DTX1: variants seen among roughly 807,000 people sequenced by gnomAD.
DTX1 encodes the protein deltex E3 ubiquitin ligase 1.
In DTX1, 26 loss-of-function variants were observed where a neutral mutation model predicts 57.8. The ratio of observed to expected loss-of-function variants is 0.45; its 90% CI spans 0.33 to 0.62. DTX1 has a LOEUF of 0.62. DTX1 is among the 20% of genes least tolerant of loss of function. The pLI is 0.02. For synonymous variants in DTX1, 398 were observed against 394.1 expected, an observed-to-expected ratio of 1.01 and a Z score of -0.12; for missense variants, 704 against 895.3, an observed-to-expected ratio of 0.79 and a Z score of 2.73.
intron 2 of DTX1, among the ~76,000 whole-genome samples, chr12:113,069,688 G>A (rs978394496): frequency 2.6e-5 from 4 of 152,084 alleles, no homozygotes; most frequent in Non-Finnish European, 4.4e-5. Flanking sequence ...AGACTTCCAC[G>A]TCTTCTTAGG....
Position 113,078,686 on chromosome 12 carries a change from C to T in DTX1, c.941+581C>T, listed in dbSNP as rs76356885. Among the ~76,000 whole-genome samples the T allele has an allele frequency of 3.9e-5, 6 of 152,254 alleles. No homozygotes were observed. In the East Asian group the frequency reaches 7.7e-4, roughly 20 times the overall value. ...GTCCAGACCTGCCCAATTCCAAAGT[C>T]TGTGCTGTGTTGTCTTAGGATTTTT... On this transcript the variant is annotated intron_variant, in intron 3 of 9. Transcript: ENST00000548759.
At chr12:113,064,990 A>G (rs1448771740) in intron 2 of DTX1, among the ~76,000 whole-genome samples, 2 of 152,162 alleles carry the variant, frequency 1.3e-5, no homozygotes, top group African/African-American at 4.8e-5. Flanking sequence ...GTCCTTCAGC[A>G]GGGTCCTGGA....
chr12:113,093,799 A>G lies in DTX1; in HGVS notation c.1165+99A>G. ...CTCCAACTTATTCTTAGCATTTACT[A>G]CCTCACCTCCATTGCCTGATCTCAG... On this transcript the variant is annotated intron_variant, in intron 5 of 9. Transcript: ENST00000548759. The surrounding 1 kb of genome is among the most constrained non-coding windows in gnomAD (Gnocchi z 4.2). 1 of 1,529,700 alleles carries G rather than the reference A, an allele frequency of 6.5e-7. No homozygotes were observed. The highest frequency in any genetic ancestry group is 8.9e-7 in the Non-Finnish European group (1 of 1,129,028). 94.8% of individuals were successfully genotyped at this position (1,529,700 alleles called of 1,614,324 possible).
At chr12:113,069,900 T>C (rs1474434741) in intron 2 of DTX1, among the ~76,000 whole-genome samples, 1 of 152,180 alleles carries the variant, frequency 6.6e-6, no homozygotes, top group African/African-American at 2.4e-5. Flanking sequence ...GCTAAGGGGC[T>C]ATTCCAGAAG....
In DTX1 at chr12:113,094,112, T is replaced by TGGGGGGGTG; in HGVS notation, c.1227+20_1227+21insTGGGGGGGG. ...CCCACCTGATGAGGTGAGGAGGGGA[T>TGGGGGGGTG]GGGGGGGCTGGGGGAGGGCCCTGGC... On this transcript the variant is annotated intron_variant, in intron 6 of 9. Coordinates refer to ENST00000548759, the MANE Select transcript of DTX1 (RefSeq NM_004416.3). 6.6e-6 allele frequency: 3 copies of TGGGGGGGTG among 454,794 alleles called. No homozygotes were observed. The Admixed American group carries it at 1.0e-4, about 15-fold the overall frequency. The allele number at this position is 454,794 out of a possible 1,614,324, so 28.2% of individuals were successfully genotyped here. A position where few individuals can be genotyped will look rare whatever the true frequency, so the allele number is the denominator to read the frequency against.
Position 113,077,373 on chromosome 12 carries a change from G to C in DTX1, c.260-51G>C. 2 of 1,384,536 alleles carry C rather than the reference G, an allele frequency of 1.4e-6. 1 individual carries two copies. Among genetic ancestry groups the C allele is most frequent in the South Asian group, 2.6e-5 (2 of 77,432 alleles). The allele number at this position is 1,384,536 out of a possible 1,614,324, so 85.8% of individuals were successfully genotyped here. ...CTGGCTGTGGCCCGCCCTTCCAGCC[G>C]CGCAGACCAACGCCCGCTGTGCTGA... On this transcript the variant is annotated intron_variant, in intron 2 of 9. Transcript: ENST00000548759. This position sits in a 1 kb window ranked among gnomAD's most constrained non-coding sequence, Gnocchi z 7.8.
Position 113,093,449 on chromosome 12 carries a change from A to ACC in DTX1, c.1004-88_1004-87dup. 1 of 632,560 alleles carries ACC rather than the reference A, an allele frequency of 1.6e-6. No homozygotes were observed. Among genetic ancestry groups the ACC allele is most frequent in the African/African-American group, 2.2e-5 (1 of 45,390 alleles). 39.2% of individuals were successfully genotyped at this position (632,560 alleles called of 1,614,324 possible). On this transcript the variant is annotated intron_variant, in intron 4 of 9. Coordinates refer to ENST00000548759, the MANE Select transcript of DTX1 (RefSeq NM_004416.3). The surrounding 1 kb of genome is among the most constrained non-coding windows in gnomAD (Gnocchi z 4.2). ...GCCCAAGAGCGCAACCCTCCCACCCACCCGAGGGCCCCGGGATTCCCAGGG... is the reference window on the plus strand; with the variant it reads ...GCCCAAGAGCGCAACCCTCCCACCCACCCCCGAGGGCCCCGGGATTCCCAGGG...
At chr12:113,057,290 G>A (rs2044631408) in intron 1 of DTX1, among the ~76,000 whole-genome samples, 159 bp from the exon 2 acceptor site, 2 of 152,036 alleles carry the variant, frequency 1.3e-5, no homozygotes, top group Admixed American at 6.5e-5. Context: ...TTCCCTCCAG[G>A]CCTGCCCCAA....
Position 113,058,450 on chromosome 12 carries a change from A to C in DTX1, c.258A>C (p.Thr86=). 6.3e-7 allele frequency: 1 copy of C among 1,594,320 alleles called. No homozygotes were observed. The highest frequency in any genetic ancestry group is 8.5e-7 in the Non-Finnish European group (1 of 1,174,960). Residue 86 remains threonine, a splice_region_variant and synonymous_variant, in exon 2 of 10, where the codon ACA becomes ACC. Coordinates refer to ENST00000548759, the MANE Select transcript of DTX1 (RefSeq NM_004416.3). ...LQSMHQFRQD[T]GTMRPVRRNF... ...CCATGCACCAGTTTCGCCAGGACAC[A>C]GGTGAGCAGACACCCACCCCATGCC...
In DTX1 at chr12:113,057,814, C is replaced by A. The variant is rs1477711902; in HGVS notation, c.-379C>A. 4.8e-6 allele frequency: 1 copy of A among 207,770 alleles called. No individual in the cohort carries two copies. The allele number at this position is 207,770 out of a possible 1,614,324, so 12.9% of individuals were successfully genotyped here. On this transcript the variant is annotated 5_prime_UTR_variant, in exon 2 of 10. Transcript: ENST00000548759. ...CTCCTGGGTGACAGGCCCTGTCTGG[C>A]GGGGAAGAGGGACCAAGAGACAACA...
At chr12:113,063,502 T>C (rs2044680293) in intron 2 of DTX1, among the ~76,000 whole-genome samples, 1 of 152,246 alleles carries the variant, frequency 6.6e-6, no homozygotes, top group African/African-American at 2.4e-5. Flanking sequence ...CCTATCTGCC[T>C]GGTATCTCCC....
rs1212622309 is a variant in DTX1 at position 113,057,535 on chromosome 12, G to C, written c.-658G>C. 8.2e-5 allele frequency: 12 copies of C among 145,658 alleles called. No individual in the cohort carries two copies. The highest frequency in any genetic ancestry group is 1.4e-4 in the Non-Finnish European group (9 of 66,184). The allele number at this position is 145,658 out of a possible 1,614,324, so 9.0% of individuals were successfully genotyped here. ...CCCCCAGCCCAGCTCCGGAGCCGCA[G>C]TCCAGGCGCGCCGCCCGAGGGTCCA... is the stretch of plus-strand genomic sequence containing the variant. On this transcript the variant is annotated 5_prime_UTR_variant, in exon 2 of 10. Coordinates refer to ENST00000548759, the MANE Select transcript of DTX1 (RefSeq NM_004416.3).
chr12:113,072,009 T>G (rs1218326000), intron 2 of DTX1, among the ~76,000 whole-genome samples: 1 of 152,214 alleles, frequency 6.6e-6, no homozygotes, highest in Non-Finnish European at 1.5e-5. Flanking sequence ...CAGAGTCCTT[T>G]GCTGCAGAGC....
Position 113,094,878 on chromosome 12 carries a change from C to T in DTX1, c.1317C>T (p.Gly439=). The change falls in exon 7 of 10, where the codon GGC becomes GGT. Residue 439 remains glycine (G), a synonymous_variant. Transcript: ENST00000548759. The stretch of plus-strand genomic sequence containing the variant: ...AGGGCGTGCGGCCTGAGCTCGTGGG[C>T]CGCCTGGGCCGCTGTGGCCACATGT... ...RHKGVRPELV[G]RLGRCGHMYH... is the part of the protein sequence containing the mutation. The T allele has an allele frequency of 6.2e-7, 1 of 1,613,640 alleles. No homozygotes were observed. The highest frequency in any genetic ancestry group is 1.1e-5 in the South Asian group (1 of 91,072).
chr12:113,095,113 G>C lies in DTX1; in HGVS notation c.1458G>C (p.Lys486Asn). 6.2e-7 allele frequency: 1 copy of C among 1,613,882 alleles called. No individual in the cohort carries two copies. The highest frequency in any genetic ancestry group is 2.2e-5 in the East Asian group (1 of 44,880). Residue 486 changes from lysine (K) to asparagine (N), a missense_variant, in exon 8 of 10, where the codon AAG becomes AAC. This residue lies in a region of DTX1 where 168 missense variants were observed against 255.6 expected (regional missense o/e 0.66). Coordinates refer to ENST00000548759, the MANE Select transcript of DTX1 (RefSeq NM_004416.3). ...AGACGGGTACGCAGCCGCCTGGGAA[G>C]ATGGAGTTCCACCTCATCCCCCACT... ...GEKTGTQPPG[K>N]MEFHLIPHSL... is the part of the protein sequence containing the mutation.
intron 2 of DTX1, among the ~76,000 whole-genome samples, chr12:113,068,529 A>G (rs1188120212): frequency 1.3e-5 from 2 of 152,244 alleles, no homozygotes; most frequent in South Asian, 2.1e-4. Context: ...CAGATGGAAC[A>G]GCATATGCAA....
rs1299101991 is a variant in DTX1, at chr12:113,077,696, C to T, written c.532C>T (p.Pro178Ser). The change falls in exon 3 of 10, where the codon CCG (proline) becomes TCG (serine). Residue 178 changes from proline (P) to serine (S), a missense_variant. Pro to Ser is a moderately conservative substitution (Grantham distance 74, BLOSUM62 -1). Around this residue, in one of 3 missense-constraint regions of DTX1, gnomAD observed 237 missense variants for 328.6 expected, o/e 0.72. Transcript: ENST00000548759. The surrounding 1 kb of genome is among the most constrained non-coding windows in gnomAD (Gnocchi z 7.8). ...RLRRRLDLAYPLTVGSIPKSQ... is the reference protein window; with the variant it reads ...RLRRRLDLAYSLTVGSIPKSQ... Reference sequence around the variant, plus strand: ...GCGCCGCCGCCTGGACCTCGCCTACCCGCTCACCGTGGGCTCCATCCCTAA... The same window carrying T: ...GCGCCGCCGCCTGGACCTCGCCTACTCGCTCACCGTGGGCTCCATCCCTAA... 1 of 1,549,958 alleles carries T rather than the reference C, an allele frequency of 6.5e-7. No individual in the cohort carries two copies.
rs1223099512 is a variant in DTX1, at chr12:113,096,709, C to T, written c.1639-6C>T. 6.2e-6 allele frequency: 10 copies of T among 1,609,140 alleles called. No homozygotes were observed. The highest frequency in any genetic ancestry group is 8.5e-6 in the Non-Finnish European group (10 of 1,178,368). On this transcript the variant is annotated splice_polypyrimidine_tract_variant and splice_region_variant and intron_variant, in intron 9 of 9. Coordinates refer to ENST00000548759, the MANE Select transcript of DTX1 (RefSeq NM_004416.3). ...TCCCGGCCCCACTGTGTCCCTGTCC[C>T]CCCAGGTGCTGCGGCTGCTCATCAC...
intron 2 of DTX1, among the ~76,000 whole-genome samples, chr12:113,062,988 T>C (rs1387132913): frequency 6.6e-6 from 1 of 152,192 alleles, no homozygotes; most frequent in Non-Finnish European, 1.5e-5. Context: ...TGGATGATGT[T>C]AGATCAATCA....
Sources: gnomAD v4.1 joint callset for allele counts (sites outside exome capture counted in the v4.1 genomes callset) on GRCh38, gnomAD v4.1.1 for gene constraint, gnomAD v4.1.1 regional missense constraint, Gnocchi (gnomAD v3.1) non-coding constraint, MANE v1.5 for transcripts, NCBI Gene and HGNC (gene_info 2026-07-23, HGNC 2026-07-21) for gene names.